RASAL2: variants seen among roughly 807,000 people sequenced by gnomAD.
The protein encoded by RASAL2 is RAS protein activator like 2.
A neutral mutation model predicts 128.9 loss-of-function variants in RASAL2; 58 were observed. That is an observed-to-expected ratio of 0.45 (90% CI 0.36 to 0.56). RASAL2 has a LOEUF of 0.56. RASAL2 is among the 20% of genes least tolerant of loss of function. The pLI, the probability that RASAL2 is intolerant of heterozygous loss-of-function variation, is 0.00. For synonymous variants in RASAL2, 561 were observed against 580.8 expected (o/e 0.97, Z 0.49); for missense variants, 1,360 against 1,601.6 (o/e 0.85, Z 2.57).
chr1:178,220,500 G>C (rs1241846038), intron 1 of RASAL2, among the ~76,000 whole-genome samples: 3 of 152,190 alleles, frequency 2.0e-5, no homozygotes, highest in Non-Finnish European at 4.4e-5. Flanking sequence ...TTGAAGTAAT[G>C]TGAGAATTAC....
At position 178,441,653 on chromosome 1, in the gene RASAL2, A is replaced by G; in HGVS notation, c.927+6A>G. 6.3e-7 allele frequency: 1 copy of G among 1,591,224 alleles called. No homozygotes were observed. The highest frequency in any genetic ancestry group is 8.6e-7 in the Non-Finnish European group (1 of 1,160,358). Reference sequence around the variant, plus strand: ...GGACAGTTCAACCTAATAAGGTAATAGTAGCTTCAAGTATCTAAAAAATGT... The same window carrying G: ...GGACAGTTCAACCTAATAAGGTAATGGTAGCTTCAAGTATCTAAAAAATGT... On this transcript the variant is annotated splice_donor_region_variant and intron_variant, in intron 7 of 17. Coordinates refer to ENST00000367649, the MANE Select transcript of RASAL2 (RefSeq NM_170692.4).
chr1:178,340,998 A>T (rs1433080161), intron 3 of RASAL2, among the ~76,000 whole-genome samples: 1 of 152,206 alleles, frequency 6.6e-6, no homozygotes, highest in African/African-American at 2.4e-5. Context: ...TATTTCCGTT[A>T]TGGTAAGTTA....
intron 1 of RASAL2, among the ~76,000 whole-genome samples, chr1:178,183,338 A>G (rs1281882711): frequency 2.6e-5 from 4 of 152,214 alleles, no homozygotes; most frequent in Non-Finnish European, 5.9e-5. Context: ...TTTATTTTAA[A>G]TTTGTATCCT....
At chr1:178,206,975 G>C (rs1663070980) in intron 1 of RASAL2, among the ~76,000 whole-genome samples, 1 of 151,924 alleles carries the variant, frequency 6.6e-6, no homozygotes, top group African/African-American at 2.4e-5. Flanking sequence ...AGGAGTTCGA[G>C]ACCAGCCTGG....
At chr1:178,236,032 T>C (rs1165727620) in intron 1 of RASAL2, among the ~76,000 whole-genome samples, 2 of 152,170 alleles carry the variant, frequency 1.3e-5, no homozygotes, top group African/African-American at 4.8e-5. Context: ...CTAGTTGTTA[T>C]CCTACTTTCT....
chr1:178,140,814 AC>A (rs1208369771), intron 1 of RASAL2, among the ~76,000 whole-genome samples: 1 of 152,192 alleles, frequency 6.6e-6, no homozygotes, highest in Admixed American at 6.5e-5. Flanking sequence ...AGTCCTTTAG[AC>A]CCCCAGTGTA....
At chr1:178,450,278 G>A (rs1677284633) in intron 9 of RASAL2, among the ~76,000 whole-genome samples, 1 of 152,068 alleles carries the variant, frequency 6.6e-6, no homozygotes, top group South Asian at 2.1e-4. Flanking sequence ...AACTCTACAG[G>A]ATGATTGCTA....
At chr1:178,379,462 A>C (rs1672162625) in intron 3 of RASAL2, among the ~76,000 whole-genome samples, 1 of 152,040 alleles carries the variant, frequency 6.6e-6, no homozygotes, top group African/African-American at 2.4e-5. Context: ...AGAGAAATGG[A>C]ATCAGTAGTT....
intron 4 of RASAL2, among the ~76,000 whole-genome samples, chr1:178,408,863 T>C (rs1674170151): frequency 6.6e-6 from 1 of 152,172 alleles, no homozygotes; most frequent in African/African-American, 2.4e-5. Flanking sequence ...CTCAAAGTTC[T>C]CCTCTGCCAT....
intron 1 of RASAL2, among the ~76,000 whole-genome samples, chr1:178,183,856 C>G (rs778411763): frequency 6.6e-5 from 10 of 152,206 alleles, no homozygotes; most frequent in African/African-American, 2.4e-4. Flanking sequence ...TGTAGTAAGA[C>G]TGTGTTTAAC....
intron 2 of RASAL2, among the ~76,000 whole-genome samples, chr1:178,291,871 C>T (rs925927663): frequency 9.2e-4 from 139 of 151,764 alleles, no homozygotes; most frequent in African/African-American, 3.2e-3. Context: ...CCTGTCTCTA[C>T]GAAAAATACA....
chr1:178,142,674 C>T (rs557901856), intron 1 of RASAL2, among the ~76,000 whole-genome samples: 8 of 152,242 alleles, frequency 5.3e-5, no homozygotes, highest in South Asian at 2.1e-4. Flanking sequence ...GGCCTCTAGG[C>T]GCAGTGTAAG....
chr1:178,110,175 A>C (rs936277350), intron 1 of RASAL2, among the ~76,000 whole-genome samples: 1 of 152,196 alleles, frequency 6.6e-6, no homozygotes, highest in Admixed American at 6.5e-5. Context: ...GTTTCTTTGC[A>C]TCCCTTTGTA....
intron 1 of RASAL2, among the ~76,000 whole-genome samples, chr1:178,132,276 C>T (rs553167495): frequency 4.0e-5 from 6 of 150,092 alleles, no homozygotes; most frequent in Admixed American, 3.3e-4. Context: ...AGGCTGTTCT[C>T]GAGCTCTTGG....
chr1:178,184,741 C>G (rs575623602), intron 1 of RASAL2, among the ~76,000 whole-genome samples: 2 of 152,042 alleles, frequency 1.3e-5, no homozygotes, highest in Non-Finnish European at 2.9e-5. Flanking sequence ...GTCTTAAGAT[C>G]TGCTACAGTG....
chr1:178,403,353 A>G (rs971672529), intron 4 of RASAL2, among the ~76,000 whole-genome samples: 4 of 152,200 alleles, frequency 2.6e-5, no homozygotes, highest in Admixed American at 2.0e-4. Context: ...GCAAATACGT[A>G]TTAAGTAGCC....
intron 1 of RASAL2, among the ~76,000 whole-genome samples, chr1:178,277,601 G>A (rs1223268875): frequency 6.6e-6 from 1 of 152,220 alleles, no homozygotes; most frequent in Admixed American, 6.5e-5. Context: ...TTCTAAGCCA[G>A]GTTAGCTGTG....
At chr1:178,223,316 C>T (rs1663681889) in intron 1 of RASAL2, among the ~76,000 whole-genome samples, 1 of 152,046 alleles carries the variant, frequency 6.6e-6, no homozygotes, top group South Asian at 2.1e-4. Flanking sequence ...CTGTAAAGGC[C>T]TGTAATAGGG....
chr1:178,383,802 T>C (rs906199057), intron 3 of RASAL2, among the ~76,000 whole-genome samples: 7 of 152,208 alleles, frequency 4.6e-5, no homozygotes, highest in Non-Finnish European at 7.3e-5. Context: ...CATTCATTAA[T>C]AACTAGAGCC....
Sources: gnomAD v4.1 joint callset for allele counts (sites outside exome capture counted in the v4.1 genomes callset) on GRCh38, gnomAD v4.1.1 for gene constraint, MANE v1.5 for transcripts, NCBI Gene and HGNC (gene_info 2026-07-23, HGNC 2026-07-21) for gene names.